The following SPOCK1 variants were observed in gnomAD, a reference collection of about 807,000 sequenced individuals.
The protein encoded by SPOCK1 is SPARC (osteonectin), cwcv and kazal like domains proteoglycan 1.
Under a neutral mutation model 55.3 loss-of-function variants are expected in SPOCK1, and 23 were observed. The ratio of observed to expected loss-of-function variants is 0.42; its 90% CI spans 0.30 to 0.59. SPOCK1 has a LOEUF of 0.59. Among genes scored for constraint, SPOCK1 ranks in the 20% least tolerant of loss-of-function variants. SPOCK1 has a pLI of 0.22. For synonymous variants in SPOCK1, 226 were observed against 221.0 expected (o/e 1.02, Z -0.20); for missense variants, 499 against 552.5 (o/e 0.90, Z 0.97).
chr5:137,211,581 G>A (rs190996788), intron 3 of SPOCK1, among the ~76,000 whole-genome samples: 24 of 152,224 alleles, frequency 1.6e-4, no homozygotes, highest in African/African-American at 4.3e-4. Context: ...TCTTTTGTAC[G>A]CTAATGAGTT....
chr5:137,022,850 C>T (rs1178008694), intron 6 of SPOCK1, among the ~76,000 whole-genome samples: 2 of 152,160 alleles, frequency 1.3e-5, no homozygotes, highest in Non-Finnish European at 2.9e-5. Context: ...CCTATATGGG[C>T]CATAGATAGA....
intron 2 of SPOCK1, among the ~76,000 whole-genome samples, chr5:137,294,963 T>C (rs1757450249): frequency 6.6e-6 from 1 of 152,174 alleles, no homozygotes; most frequent in Non-Finnish European, 1.5e-5. Flanking sequence ...TCCACCCCCA[T>C]GATCTCCTAC....
At chr5:137,413,827 A>T (rs934210345) in intron 2 of SPOCK1, among the ~76,000 whole-genome samples, 1 of 152,154 alleles carries the variant, frequency 6.6e-6, no homozygotes. Context: ...ATGAGCCCCT[A>T]CCTGTTCCCA....
At chr5:137,159,130 G>A (rs1438876674) in intron 3 of SPOCK1, among the ~76,000 whole-genome samples, 2 of 152,150 alleles carry the variant, frequency 1.3e-5, no homozygotes, top group African/African-American at 4.8e-5. Flanking sequence ...CCCACCCATA[G>A]GTCTTTCTTC....
At chr5:137,043,559 A>G (rs1397071750) in intron 6 of SPOCK1, among the ~76,000 whole-genome samples, 1 of 152,188 alleles carries the variant, frequency 6.6e-6, no homozygotes, top group Non-Finnish European at 1.5e-5. Context: ...GTTTGCATCA[A>G]TGGTGATAAG....
At chr5:137,433,980 T>C (rs757133565) in intron 2 of SPOCK1, among the ~76,000 whole-genome samples, 4 of 152,314 alleles carry the variant, frequency 2.6e-5, no homozygotes, top group Admixed American at 1.3e-4. Flanking sequence ...ATGACAAAAA[T>C]TGCAATTACC....
chr5:137,392,354 T>G (rs1259996314), intron 2 of SPOCK1, among the ~76,000 whole-genome samples: 1 of 152,236 alleles, frequency 6.6e-6, no homozygotes, highest in East Asian at 1.9e-4. Flanking sequence ...ACTTGACTTT[T>G]ATCTACCTTT....
rs115415991 is a variant in SPOCK1, at chr5:137,159,027, G to A, written c.233-18333C>T. Among the ~76,000 whole-genome samples the A allele has an allele frequency of 3.3e-3, 495 of 152,224 alleles. 3 individuals are homozygous for A. The highest frequency in any genetic ancestry group is 0.011 in the African/African-American group (463 of 41,538). ...TCTAAATGATCACGTATACCTGACTGGTCCTGCAGGAATCAGATGCTCCCC... is the reference window on the plus strand; with the variant it reads ...TCTAAATGATCACGTATACCTGACTAGTCCTGCAGGAATCAGATGCTCCCC... On this transcript the variant is annotated intron_variant, in intron 3 of 10. Transcript: ENST00000394945.
intron 2 of SPOCK1, among the ~76,000 whole-genome samples, chr5:137,376,649 GA>G (rs1228269713): frequency 6.6e-6 from 1 of 152,194 alleles, no homozygotes; most frequent in Non-Finnish European, 1.5e-5. Flanking sequence ...GGAGCTGAGG[GA>G]AAAGAATAAG....
intron 2 of SPOCK1, among the ~76,000 whole-genome samples, chr5:137,350,172 A>G (rs1436534312): frequency 2.6e-5 from 4 of 152,122 alleles, no homozygotes; most frequent in Non-Finnish European, 4.4e-5. Flanking sequence ...CAGGAATGAG[A>G]CTGCCCCCCA....
chr5:137,081,369 G>C (rs1225071702), intron 5 of SPOCK1, among the ~76,000 whole-genome samples: 1 of 152,170 alleles, frequency 6.6e-6, no homozygotes, highest in African/African-American at 2.4e-5. Context: ...GTTGCCCCCA[G>C]TGTACTCTGA....
At chr5:137,024,170 C>T (rs1195720729) in intron 6 of SPOCK1, among the ~76,000 whole-genome samples, 1 of 151,936 alleles carries the variant, frequency 6.6e-6, no homozygotes, top group Admixed American at 6.6e-5. Context: ...ACAGCAAACC[C>T]AGCAGCACAG....
chr5:137,024,314 A>AGGC (rs71583270), intron 6 of SPOCK1, among the ~76,000 whole-genome samples: 10,640 of 119,166 alleles, frequency 0.089, 843 homozygotes, highest in Non-Finnish European at 0.11. Flanking sequence ...ACCAGTTTGA[A>AGGC]GGGGGGGGGG....
intron 3 of SPOCK1, among the ~76,000 whole-genome samples, chr5:137,265,245 T>C (rs1044441762): frequency 6.6e-6 from 1 of 152,226 alleles, no homozygotes; most frequent in African/African-American, 2.4e-5. Flanking sequence ...TTCTCCAATA[T>C]GCATTAGTAA....
At chr5:136,982,594 T>TTAATC (rs546046975) in intron 9 of SPOCK1, among the ~76,000 whole-genome samples, 198 of 151,972 alleles carry the variant, frequency 1.3e-3, no homozygotes, top group African/African-American at 4.6e-3. Context: ...AAATCTACAG[T>TTAATC]TAATCTATAC....
At chr5:137,444,856 T>C (rs1450918400) in intron 2 of SPOCK1, among the ~76,000 whole-genome samples, 2 of 152,168 alleles carry the variant, frequency 1.3e-5, no homozygotes, top group Non-Finnish European at 2.9e-5. Context: ...TCCTGGCAGA[T>C]ACCAGGTTGT....
At chr5:137,219,284 A>C (rs546604528) in intron 3 of SPOCK1, among the ~76,000 whole-genome samples, 2 of 152,310 alleles carry the variant, frequency 1.3e-5, no homozygotes, top group East Asian at 3.9e-4. Context: ...TGGGTGTCAA[A>C]AGATCCTTTC....
At chr5:137,189,110 A>G (rs1277248922) in intron 3 of SPOCK1, among the ~76,000 whole-genome samples, 1 of 152,252 alleles carries the variant, frequency 6.6e-6, no homozygotes, top group Non-Finnish European at 1.5e-5. Flanking sequence ...GAAAGAAGCC[A>G]TCTCCATAAC....
chr5:137,324,950 C>A (rs372892339), intron 2 of SPOCK1, among the ~76,000 whole-genome samples: 28 of 145,408 alleles, frequency 1.9e-4, no homozygotes, highest in Non-Finnish European at 3.4e-4. Flanking sequence ...ACAAGCTTGA[C>A]GGCTCAATCC....
Sources: allele counts gnomAD v4.1 joint callset (sites outside exome capture counted in the v4.1 genomes callset), GRCh38; gene constraint gnomAD v4.1.1; transcripts MANE v1.5; gene names NCBI Gene and HGNC (gene_info 2026-07-23, HGNC 2026-07-21).